CACNA2D1: variants seen among roughly 807,000 people sequenced by gnomAD.
CACNA2D1 encodes voltage-dependent calcium channel subunit alpha-2/delta-1.
CACNA2D1 carries 53 observed loss-of-function variants against 171.5 expected under a neutral mutation model. The ratio of observed to expected loss-of-function variants is 0.31; its 90% CI spans 0.25 to 0.39. The LOEUF is 0.39. CACNA2D1 is among the 10% of genes least tolerant of loss of function. The pLI, the probability that CACNA2D1 is intolerant of heterozygous loss-of-function variation, is 1.00. For missense variants in CACNA2D1, 903 were observed against 1,299.8 expected (o/e 0.69, Z 4.69); for synonymous variants, 442 against 443.1 (o/e 1.00, Z 0.03).
Position 82,170,616 on chromosome 7 carries a change from A to T in CACNA2D1, c.295-7T>A. On this transcript the variant is annotated splice_polypyrimidine_tract_variant and splice_region_variant and intron_variant, in intron 3 of 38. Transcript: ENST00000356860. ...CCGCTTCCAATGCCAGGCGCTGAAA[A>T]ACAAACAATAAATCTTAGAATTCAA... is the stretch of plus-strand genomic sequence containing the variant. 1 of 1,611,866 alleles carries T rather than the reference A, an allele frequency of 6.2e-7. No individual in the cohort carries two copies. Among genetic ancestry groups the T allele is most frequent in the Non-Finnish European group, 8.5e-7 (1 of 1,178,446 alleles).
chr7:82,355,329 G>A lies in CACNA2D1; in HGVS notation c.96-5680C>T, dbSNP rs139624334. On this transcript the variant is annotated intron_variant, in intron 1 of 38. Coordinates refer to ENST00000356860, the MANE Select transcript of CACNA2D1 (RefSeq NM_000722.4). ...AGGTATAATAGACCTTGACTAATAG[G>A]TACATTGTTTCCATGAGAAAATACA... 7.9e-5 allele frequency among the ~76,000 whole-genome samples: 12 copies of A among 152,224 alleles called. No homozygotes were observed. In the East Asian group the frequency reaches 2.3e-3, roughly 29 times the overall value.
chr7:82,403,892 T>A (rs1299340949), intron 1 of CACNA2D1, among the ~76,000 whole-genome samples: 3 of 152,230 alleles, frequency 2.0e-5, no homozygotes, highest in Admixed American at 6.5e-5. Flanking sequence ...ATGGACAAAC[T>A]TTTTAGGATT....
At chr7:82,058,930 T>G (rs1412441060) in intron 10 of CACNA2D1, among the ~76,000 whole-genome samples, 1 of 152,142 alleles carries the variant, frequency 6.6e-6, no homozygotes, top group Non-Finnish European at 1.5e-5. Flanking sequence ...TTCCTATACC[T>G]ACTCTTAGGC....
chr7:82,259,315 A>G (rs2129329191), intron 3 of CACNA2D1, among the ~76,000 whole-genome samples: 1 of 152,312 alleles, frequency 6.6e-6, no homozygotes, highest in East Asian at 1.9e-4. Flanking sequence ...TATGGTCTCA[A>G]CCCAAATTGT....
intron 3 of CACNA2D1, among the ~76,000 whole-genome samples, chr7:82,260,885 CA>C (rs1806989790): frequency 6.6e-6 from 1 of 151,696 alleles, no homozygotes; most frequent in African/African-American, 2.4e-5. Flanking sequence ...TTTATATATC[CA>C]ACGGTTTAAT....
At chr7:82,147,109 A>G (rs140312493) in intron 4 of CACNA2D1, among the ~76,000 whole-genome samples, 31 of 151,622 alleles carry the variant, frequency 2.0e-4, no homozygotes, top group Admixed American at 2.6e-4. Flanking sequence ...AAAAGTGTAG[A>G]GCTTTACAAA....
chr7:82,279,377 T>C lies in CACNA2D1; in HGVS notation c.294+55758A>G, dbSNP rs369278145. Among the ~76,000 whole-genome samples the C allele has an allele frequency of 3.3e-5, 5 of 152,308 alleles. No individual in the cohort carries two copies. In the East Asian group the frequency reaches 5.8e-4, roughly 18 times the overall value. ...AGTGGTATAGCCCACTTCTGAACAG[T>C]TGGCAATTCAAATTTTAGGGAAAGA... On this transcript the variant is annotated intron_variant, in intron 3 of 38. Transcript: ENST00000356860.
intron 1 of CACNA2D1, among the ~76,000 whole-genome samples, chr7:82,393,211 C>G (rs757928785): frequency 3.4e-4 from 52 of 151,926 alleles, no homozygotes; most frequent in Non-Finnish European, 6.8e-4. Flanking sequence ...TGAAACAGCA[C>G]TTGCATATAA....
intron 38 of CACNA2D1, among the ~76,000 whole-genome samples, chr7:81,953,319 C>G (rs754789468): frequency 3.3e-4 from 50 of 152,048 alleles, no homozygotes; most frequent in Non-Finnish European, 7.4e-5. Flanking sequence ...ATTCTCAGAG[C>G]AAAATCTACA....
intron 1 of CACNA2D1, among the ~76,000 whole-genome samples, chr7:82,398,898 T>C (rs56828276): frequency 6.6e-6 from 1 of 151,532 alleles, no homozygotes; most frequent in Admixed American, 6.6e-5. Flanking sequence ...CCTTTTTTTT[T>C]CCTTCCTTCT....
intron 1 of CACNA2D1, among the ~76,000 whole-genome samples, chr7:82,374,353 C>T (rs1822764483): frequency 6.6e-6 from 1 of 152,144 alleles, no homozygotes; most frequent in Admixed American, 6.5e-5. Context: ...AGGAATCACC[C>T]ATTCTCCTAT....
rs151308988 is a variant in CACNA2D1, at chr7:81,992,568, C to T, written c.1735-1322G>A. Among the ~76,000 whole-genome samples the T allele has an allele frequency of 4.6e-3, 695 of 152,020 alleles. 8 individuals are homozygous for T. The highest frequency in any genetic ancestry group is 0.016 in the African/African-American group (660 of 41,466). ...ACTACTCATAAAAAAACAGGGCAAG[C>T]AAGTGTTGGTCTGCAAGTTATAAAT... On this transcript the variant is annotated intron_variant, in intron 20 of 38. Transcript: ENST00000356860.
intron 4 of CACNA2D1, among the ~76,000 whole-genome samples, chr7:82,170,130 CCAT>C (rs1297917207): frequency 6.6e-6 from 1 of 151,838 alleles, no homozygotes; most frequent in East Asian, 1.9e-4. Context: ...ATATTGCCCA[CCAT>C]CAAGGTGATT....
At chr7:82,060,166 AT>A (rs1806498610) in intron 10 of CACNA2D1, among the ~76,000 whole-genome samples, 1 of 9,960 alleles carries the variant, frequency 1.0e-4, no homozygotes, top group African/African-American at 1.8e-4. Flanking sequence ...TATATATATA[AT>A]ATATATATAT....
chr7:82,390,217 C>A (rs1050490369), intron 1 of CACNA2D1, among the ~76,000 whole-genome samples: 7 of 152,150 alleles, frequency 4.6e-5, no homozygotes, highest in African/African-American at 1.7e-4. Flanking sequence ...TCTTAACCTT[C>A]CTCTAACAGA....
chr7:82,213,202 A>G (rs1432272627), intron 3 of CACNA2D1, among the ~76,000 whole-genome samples: 2 of 152,148 alleles, frequency 1.3e-5, no homozygotes, highest in Non-Finnish European at 2.9e-5. Flanking sequence ...CACCTGGCCC[A>G]ATATCCTGGT....
At chr7:82,303,159 A>C (rs1813257787) in intron 3 of CACNA2D1, among the ~76,000 whole-genome samples, 1 of 151,966 alleles carries the variant, frequency 6.6e-6, no homozygotes, top group Non-Finnish European at 1.5e-5. Context: ...ATGCCCAGCT[A>C]ATTTTGTTTT....
chr7:82,151,815 A>T (rs888339837), intron 4 of CACNA2D1, among the ~76,000 whole-genome samples: 39 of 152,106 alleles, frequency 2.6e-4, no homozygotes, highest in Non-Finnish European at 1.2e-4. Flanking sequence ...AGTATGAAAA[A>T]TATTTTACAT....
chr7:82,423,875 G>A (rs1301947100), intron 1 of CACNA2D1, among the ~76,000 whole-genome samples: 1 of 152,130 alleles, frequency 6.6e-6, no homozygotes, highest in Non-Finnish European at 1.5e-5. Context: ...CAGTCCACAA[G>A]AAAAGTGCAC....
Sources: allele counts gnomAD v4.1 joint callset (sites outside exome capture counted in the v4.1 genomes callset), GRCh38; gene constraint gnomAD v4.1.1; transcripts MANE v1.5; gene names NCBI Gene and HGNC (gene_info 2026-07-23, HGNC 2026-07-21).